Variants in LATS1 observed in about 807,000 individuals in gnomAD.
The protein encoded by LATS1 is large tumor suppressor kinase 1.
Under a neutral mutation model 106.6 loss-of-function variants are expected in LATS1, and 25 were observed. The observed-to-expected ratio is 0.23, with a 90% CI of 0.17 to 0.33. The LOEUF (loss-of-function observed/expected upper bound fraction) is 0.33, where lower values mean the gene tolerates loss of function less well. Among genes scored for constraint, LATS1 ranks in the 10% least tolerant of loss-of-function variants. The probability of loss-of-function intolerance (pLI) is 1.00; values close to 1 mark genes in which losing one functional copy is unlikely to be tolerated. For synonymous variants in LATS1, 465 were observed against 455.6 expected, an observed-to-expected ratio of 1.02 and a Z score of -0.26; for missense variants, 1,040 against 1,382.6, an observed-to-expected ratio of 0.75 and a Z score of 3.93.
chr6:149,702,284 A>G lies in LATS1; in HGVS notation c.-140-18T>C, dbSNP rs1325068624. The G allele has an allele frequency of 6.7e-5, 38 of 568,224 alleles. No homozygotes were observed. In the South Asian group the frequency reaches 9.0e-4, roughly 13 times the overall value. The allele number at this position is 568,224 out of a possible 1,614,324, so 35.2% of individuals were successfully genotyped here. On this transcript the variant is annotated intron_variant, in intron 1 of 7. Transcript: ENST00000543571. ...AATTAACTCTGTAAAAGAAAGAAAGAAAGGAAAGCTATAAAGTGGTTAATA... is the reference window on the plus strand; with the variant it reads ...AATTAACTCTGTAAAAGAAAGAAAGGAAGGAAAGCTATAAAGTGGTTAATA...
chr6:149,667,638 G>A (rs1453087170), intron 7 of LATS1, among the ~76,000 whole-genome samples: 1 of 152,028 alleles, frequency 6.6e-6, no homozygotes, highest in Non-Finnish European at 1.5e-5. Flanking sequence ...ATAAATATTT[G>A]AAGACATGAT....
intron 3 of LATS1, among the ~76,000 whole-genome samples, chr6:149,688,390 C>A (rs112468175): frequency 0.025 from 3,749 of 151,728 alleles, 138 homozygotes; most frequent in African/African-American, 0.085. Flanking sequence ...CTCACCGCAA[C>A]CTCTGCCTCC....
In LATS1 at chr6:149,695,345, T is replaced by C. The variant is rs143808823; in HGVS notation, c.349-124A>G. 4.6e-5 allele frequency: 28 copies of C among 604,948 alleles called. No individual in the cohort carries two copies. The East Asian group carries it at 7.6e-4, about 16-fold the overall frequency. The allele number at this position is 604,948 out of a possible 1,614,324, so 37.5% of individuals were successfully genotyped here. On this transcript the variant is annotated intron_variant, in intron 2 of 7. Coordinates refer to ENST00000543571, the MANE Select transcript of LATS1 (RefSeq NM_004690.4). ...TTATGAAGAACACAGCCCCAAACCA[T>C]GATATTAATGTTCTGTTTGTAGCTA...
intron 7 of LATS1, among the ~76,000 whole-genome samples, chr6:149,672,220 T>TC (rs1254661763): frequency 4.6e-5 from 7 of 150,880 alleles, no homozygotes; most frequent in Non-Finnish European, 1.0e-4. Context: ...TCTTTTCTTT[T>TC]TTTTTTTGAC....
intron 2 of LATS1, among the ~76,000 whole-genome samples, chr6:149,696,795 G>T (rs1282537644): frequency 6.6e-6 from 1 of 152,090 alleles, no homozygotes; most frequent in Non-Finnish European, 1.5e-5. Context: ...AAAAAACAGA[G>T]GATTTGGAAT....
At chr6:149,677,440 T>C (rs1781783761) in intron 5 of LATS1, among the ~76,000 whole-genome samples, 1 of 152,122 alleles carries the variant, frequency 6.6e-6, no homozygotes, top group South Asian at 2.1e-4. Flanking sequence ...GGAATACATG[T>C]GGGTTTTGCA....
At position 149,717,887 on chromosome 6, in the gene LATS1, G is replaced by T; in HGVS notation, c.-179C>A. 5.4e-6 allele frequency: 2 copies of T among 371,634 alleles called. No individual in the cohort carries two copies. The highest frequency in any genetic ancestry group is 1.8e-5 in the South Asian group (1 of 54,704). 23.0% of individuals were successfully genotyped at this position (371,634 alleles called of 1,614,324 possible). A position where few individuals can be genotyped will look rare whatever the true frequency, so the allele number is the denominator to read the frequency against. On this transcript the variant is annotated 5_prime_UTR_variant, in exon 1 of 8. Transcript: ENST00000543571. The stretch of plus-strand genomic sequence containing the variant: ...CAGAGCTCCTGGACAGCGGCCACGG[G>T]CCTGAGGGCGGACGCTGAGGCGGCC...
At chr6:149,678,085 C>T (rs1361399266) in intron 5 of LATS1, among the ~76,000 whole-genome samples, 1 of 132,336 alleles carries the variant, frequency 7.6e-6, no homozygotes, top group African/African-American at 2.9e-5. Flanking sequence ...CTTTGGGAGG[C>T]AGAGGCAGGC....
At chr6:149,709,174 G>C (rs550276430) in intron 1 of LATS1, among the ~76,000 whole-genome samples, 24 of 152,292 alleles carry the variant, frequency 1.6e-4, no homozygotes, top group African/African-American at 3.6e-4. Context: ...AGCCATGATG[G>C]GAAGCGGAGT....
At chr6:149,675,608 G>C (rs984642654) in intron 7 of LATS1, 2 of 152,270 alleles carry the variant, frequency 1.3e-5, no homozygotes, top group African/African-American at 2.4e-5. Context: ...CCAGGGTGGA[G>C]TGCGATGGCA....
At chr6:149,708,795 G>C (rs1449170635) in intron 1 of LATS1, among the ~76,000 whole-genome samples, 3 of 152,166 alleles carry the variant, frequency 2.0e-5, no homozygotes, top group Non-Finnish European at 2.9e-5. Context: ...TTTCTGTTGT[G>C]TTAAGCCATT....
intron 7 of LATS1, 23 bp downstream of exon 7, chr6:149,676,237 T>C (rs868596283): frequency 9.6e-6 from 14 of 1,455,220 alleles, no homozygotes; most frequent in Non-Finnish European, 1.4e-5. Flanking sequence ...GAGAATTCTT[T>C]TGATATAGAT....
At chr6:149,710,535 T>C (rs1277940335) in intron 1 of LATS1, among the ~76,000 whole-genome samples, 1 of 152,232 alleles carries the variant, frequency 6.6e-6, no homozygotes, top group Non-Finnish European at 1.5e-5. Flanking sequence ...TTCATTATCC[T>C]AATACAGAAA....
intron 1 of LATS1, among the ~76,000 whole-genome samples, chr6:149,715,380 C>T (rs1784329726): frequency 6.6e-6 from 1 of 152,140 alleles, no homozygotes; most frequent in African/African-American, 2.4e-5. Flanking sequence ...TGTACTATTA[C>T]TTATAAATCC....
At chr6:149,696,387 G>A (rs1245457163) in intron 2 of LATS1, among the ~76,000 whole-genome samples, 4 of 149,638 alleles carry the variant, frequency 2.7e-5, no homozygotes, top group African/African-American at 7.3e-5. Flanking sequence ...TGACCAACAT[G>A]GTAAAACCCC....
At chr6:149,680,728 TCTC>T (rs1031157932) in intron 4 of LATS1, among the ~76,000 whole-genome samples, 6 of 143,604 alleles carry the variant, frequency 4.2e-5, no homozygotes, top group African/African-American at 1.6e-4. Flanking sequence ...TTTCTACTCT[TCTC>T]TAATGCACTC....
At chr6:149,696,619 T>C (rs889093047) in intron 2 of LATS1, among the ~76,000 whole-genome samples, 5 of 151,598 alleles carry the variant, frequency 3.3e-5, no homozygotes, top group Non-Finnish European at 7.4e-5. Context: ...TCTTGGTATT[T>C]TATTAAGCAC....
rs140349312 is a variant in LATS1, at chr6:149,687,975, C to T, written c.497-3383G>A. Among the ~76,000 whole-genome samples the T allele has an allele frequency of 9.1e-3, 1,368 of 150,322 alleles. 20 individuals carry two copies. The highest frequency in any genetic ancestry group is 0.032 in the African/African-American group (1,296 of 40,856). On this transcript the variant is annotated intron_variant, in intron 3 of 7. Transcript: ENST00000543571. ...CTGCAAGCTCCGCCTCCCGGGTTCA[C>T]GCCATTCTCCTGCCTCAGCCTCCTG...
chr6:149,682,307 C>T (rs1226675881), intron 4 of LATS1, among the ~76,000 whole-genome samples: 1 of 151,980 alleles, frequency 6.6e-6, no homozygotes, highest in Non-Finnish European at 1.5e-5. Flanking sequence ...AACTTCTTTA[C>T]ACTTTTTAAT....
Sources: allele counts gnomAD v4.1 joint callset (sites outside exome capture counted in the v4.1 genomes callset), GRCh38; gene constraint gnomAD v4.1.1; transcripts MANE v1.5; gene names NCBI Gene and HGNC (gene_info 2026-07-23, HGNC 2026-07-21).